The following RERG variants were observed in gnomAD, a reference collection of about 807,000 sequenced individuals.
RERG encodes RAS like estrogen regulated growth inhibitor, also known as ras-related and estrogen-regulated growth inhibitor.
A neutral mutation model predicts 23.2 loss-of-function variants in RERG; 25 were observed. The ratio of observed to expected loss-of-function variants is 1.08; its 90% CI spans 0.79 to 1.50. RERG has a LOEUF of 1.50. RERG is among the 40% of genes most tolerant of loss of function. The pLI is 0.00. For missense variants in RERG, 253 were observed against 250.1 expected (o/e 1.01, Z -0.08); for synonymous variants, 81 against 89.1 (o/e 0.91, Z 0.51).
chr12:15,141,178 T>C (rs1864232831), intron 2 of RERG, among the ~76,000 whole-genome samples: 1 of 149,506 alleles, frequency 6.7e-6, no homozygotes, highest in African/African-American at 2.5e-5. Flanking sequence ...TATTTTGAGA[T>C]GGATTCTCAC....
chr12:15,121,442 G>A (rs1863830477), intron 2 of RERG, among the ~76,000 whole-genome samples: 1 of 152,112 alleles, frequency 6.6e-6, no homozygotes, highest in Non-Finnish European at 1.5e-5. Context: ...GTAAAATGAT[G>A]AATTTAGATA....
intron 2 of RERG, among the ~76,000 whole-genome samples, chr12:15,124,519 T>A (rs1863900551): frequency 1.3e-5 from 2 of 152,074 alleles, no homozygotes; most frequent in African/African-American, 4.8e-5. Context: ...AAATATGTCA[T>A]TACTTTTCTT....
intron 3 of RERG, among the ~76,000 whole-genome samples, chr12:15,112,019 C>A (rs747090026): frequency 3.2e-4 from 49 of 152,262 alleles, no homozygotes; most frequent in Non-Finnish European, 5.3e-4. Flanking sequence ...TCTGAAAAGC[C>A]AGCTCCCTGG....
At chr12:15,216,798 A>G (rs1457352020) in intron 2 of RERG, among the ~76,000 whole-genome samples, 1 of 152,182 alleles carries the variant, frequency 6.6e-6, no homozygotes, top group Non-Finnish European at 1.5e-5. Flanking sequence ...CTTAATCTTA[A>G]AGGTCTGCTA....
intron 2 of RERG, among the ~76,000 whole-genome samples, chr12:15,145,937 TGAGAA>T (rs1864324884): frequency 6.6e-6 from 1 of 152,212 alleles, no homozygotes; most frequent in African/African-American, 2.4e-5. Flanking sequence ...GGTGGTTGAT[TGAGAA>T]ATTTGCACCA....
chr12:15,175,172 T>A (rs1286939004), intron 2 of RERG, among the ~76,000 whole-genome samples: 1 of 151,862 alleles, frequency 6.6e-6, no homozygotes, highest in African/African-American at 2.4e-5. Context: ...GTTGTTTTTT[T>A]TTTTGTTTTG....
At chr12:15,173,465 C>T (rs950122445) in intron 2 of RERG, among the ~76,000 whole-genome samples, 4 of 151,852 alleles carry the variant, frequency 2.6e-5, no homozygotes, top group African/African-American at 7.2e-5. Flanking sequence ...ATTGCATTTC[C>T]GTATAAATTT....
At chr12:15,175,046 T>C (rs1489019470) in intron 2 of RERG, among the ~76,000 whole-genome samples, 2 of 152,138 alleles carry the variant, frequency 1.3e-5, no homozygotes, top group East Asian at 1.9e-4. Flanking sequence ...TAATTTCTTG[T>C]TGAAAATTGG....
chr12:15,168,279 C>A (rs1052452657), intron 2 of RERG, among the ~76,000 whole-genome samples: 3 of 152,132 alleles, frequency 2.0e-5, no homozygotes, highest in Admixed American at 2.0e-4. Flanking sequence ...TTCTTCGTTG[C>A]GGTCTGCCTT....
At chr12:15,195,136 AT>A (rs539061966) in intron 2 of RERG, among the ~76,000 whole-genome samples, 278 of 152,254 alleles carry the variant, frequency 1.8e-3, no homozygotes, top group African/African-American at 6.6e-3. Context: ...GTCATGGCTA[AT>A]GAATAAATAA....
At chr12:15,163,924 G>C (rs1417462892) in intron 2 of RERG, among the ~76,000 whole-genome samples, 1 of 152,150 alleles carries the variant, frequency 6.6e-6, no homozygotes, top group Non-Finnish European at 1.5e-5. Context: ...AGAGAGAGGA[G>C]AGTGGAGAGA....
At chr12:15,176,288 T>C (rs1864850267) in intron 2 of RERG, among the ~76,000 whole-genome samples, 2 of 152,186 alleles carry the variant, frequency 1.3e-5, no homozygotes, top group Admixed American at 6.6e-5. Context: ...TCAATATTAA[T>C]TTACAGAGTG....
intron 2 of RERG, among the ~76,000 whole-genome samples, chr12:15,139,014 C>CTTTTTTTTTTTTTTTTTTTTTT (rs34755371): frequency 2.0e-5 from 1 of 51,126 alleles, no homozygotes; most frequent in African/African-American, 7.2e-5. Context: ...TGTGTCTAGA[C>CTTTTTTTTTTTTTTTTTTTTTT]TTTTTTTTTT....
chr12:15,168,657 C>G (rs764867573), intron 2 of RERG, among the ~76,000 whole-genome samples: 1 of 152,156 alleles, frequency 6.6e-6, no homozygotes, highest in Non-Finnish European at 1.5e-5. Flanking sequence ...CAAGCAGTTT[C>G]TCAAATGTGT....
intron 2 of RERG, among the ~76,000 whole-genome samples, chr12:15,150,217 CACAGTGTAA>C (rs1864415950): frequency 6.6e-6 from 1 of 152,176 alleles, no homozygotes; most frequent in Non-Finnish European, 1.5e-5. Flanking sequence ...GGAATATTTA[CACAGTGTAA>C]ACTGTGTAAT....
chr12:15,129,342 C>T (rs1181682174), intron 2 of RERG, among the ~76,000 whole-genome samples: 1 of 151,230 alleles, frequency 6.6e-6, no homozygotes, highest in Non-Finnish European at 1.5e-5. Flanking sequence ...AAAAGGGGGG[C>T]TCAGAGCAAA....
Position 15,107,935 on chromosome 12 carries a change from AAGAT to A in RERG, c.*1171_*1174del, listed in dbSNP as rs1863526306. On this transcript the variant is annotated 3_prime_UTR_variant, in exon 5 of 5. Transcript: ENST00000256953. ...CATTTATAAATACATACATATGTAA[AAGAT>A]ATATATTTTCTACTAAAATAAAGTA... The A allele has an allele frequency of 6.6e-6, 1 of 152,634 alleles. No homozygotes were observed. Among genetic ancestry groups the A allele is most frequent in the Admixed American group, 6.5e-5 (1 of 15,282 alleles). 9.5% of individuals were successfully genotyped at this position (152,634 alleles called of 1,614,324 possible).
chr12:15,198,165 G>A (rs1865169951), intron 2 of RERG, among the ~76,000 whole-genome samples: 2 of 151,992 alleles, frequency 1.3e-5, no homozygotes, highest in Admixed American at 1.3e-4. Flanking sequence ...TTGGTGAGGA[G>A]GCATTCACTT....
chr12:15,124,248 A>G (rs769439484), intron 2 of RERG, among the ~76,000 whole-genome samples: 4 of 151,080 alleles, frequency 2.6e-5, no homozygotes, highest in Non-Finnish European at 5.9e-5. Flanking sequence ...AAATTAACCA[A>G]TCTATGCTGG....
Sources: gnomAD v4.1 joint callset for allele counts (sites outside exome capture counted in the v4.1 genomes callset) on GRCh38, gnomAD v4.1.1 for gene constraint, MANE v1.5 for transcripts, NCBI Gene and HGNC (gene_info 2026-07-23, HGNC 2026-07-21) for gene names.